The following CNTN5 variants were observed in gnomAD, a reference collection of about 807,000 sequenced individuals.
CNTN5 encodes contactin-5.
CNTN5 carries 77 observed loss-of-function variants against 129.1 expected under a neutral mutation model. The ratio of observed to expected loss-of-function variants is 0.60; its 90% CI spans 0.50 to 0.72. CNTN5 has a LOEUF of 0.72. Ranked by LOEUF, CNTN5 falls within the 30% of genes least tolerant of loss-of-function variation. The probability of loss-of-function intolerance (pLI) is 0.00; values close to 1 mark genes in which losing one functional copy is unlikely to be tolerated. For missense variants in CNTN5, 1,478 were observed against 1,328.8 expected (o/e 1.11, Z -1.75); for synonymous variants, 509 against 465.6 (o/e 1.09, Z -1.20).
intron 1 of CNTN5, among the ~76,000 whole-genome samples, chr11:99,132,872 A>G (rs1859015780): frequency 6.6e-6 from 1 of 152,166 alleles, no homozygotes; most frequent in Non-Finnish European, 1.5e-5. Flanking sequence ...TTAAACTACA[A>G]TTGACATTCT....
chr11:99,901,372 C>T (rs1265057701), intron 6 of CNTN5, among the ~76,000 whole-genome samples: 1 of 152,058 alleles, frequency 6.6e-6, no homozygotes, highest in Admixed American at 6.6e-5. Context: ...CTCACTGCCA[C>T]CTCTGCCTAC....
chr11:99,683,567 G>A (rs1477715625), intron 3 of CNTN5, among the ~76,000 whole-genome samples: 2 of 151,696 alleles, frequency 1.3e-5, no homozygotes, highest in East Asian at 1.9e-4. Flanking sequence ...TACTTGGTTG[G>A]CCACTTTCCA....
intron 4 of CNTN5, among the ~76,000 whole-genome samples, chr11:99,822,953 A>C (rs1253665741): frequency 2.0e-5 from 3 of 152,230 alleles, no homozygotes; most frequent in Non-Finnish European, 4.4e-5. Context: ...TCGTGCTGAG[A>C]GCTGTCCTAT....
chr11:100,089,599 T>A (rs539297674), intron 13 of CNTN5, among the ~76,000 whole-genome samples: 1 of 152,084 alleles, frequency 6.6e-6, no homozygotes, highest in Non-Finnish European at 1.5e-5. Context: ...TATAAAGATA[T>A]GTTCCTTGCA....
At chr11:100,211,384 G>A (rs1032664741) in intron 15 of CNTN5, among the ~76,000 whole-genome samples, 7 of 151,914 alleles carry the variant, frequency 4.6e-5, no homozygotes, top group African/African-American at 7.3e-5. Context: ...TTAAAATAAT[G>A]TATGAAGAAC....
chr11:100,103,132 T>C (rs1444074552), intron 13 of CNTN5, among the ~76,000 whole-genome samples: 1 of 152,196 alleles, frequency 6.6e-6, no homozygotes, highest in Non-Finnish European at 1.5e-5. Flanking sequence ...TGTACAATAT[T>C]TTCATCCACA....
chr11:99,901,421 G>A (rs1034502726), intron 6 of CNTN5, among the ~76,000 whole-genome samples: 5 of 152,028 alleles, frequency 3.3e-5, no homozygotes, highest in Non-Finnish European at 5.9e-5. Flanking sequence ...CTCTCAAGTA[G>A]CTAGGATTAC....
chr11:99,877,707 A>G (rs1376340083), intron 6 of CNTN5, among the ~76,000 whole-genome samples: 1 of 152,232 alleles, frequency 6.6e-6, no homozygotes, highest in Non-Finnish European at 1.5e-5. Context: ...GTAGTAATAT[A>G]CAATACTGTG....
At chr11:99,138,434 T>A (rs1436506545) in intron 1 of CNTN5, among the ~76,000 whole-genome samples, 2 of 152,184 alleles carry the variant, frequency 1.3e-5, no homozygotes, top group Non-Finnish European at 2.9e-5. Context: ...ATGGTATGTA[T>A]AAACCCAGGT....
chr11:99,413,286 T>C (rs546226031), intron 2 of CNTN5, among the ~76,000 whole-genome samples: 1 of 152,174 alleles, frequency 6.6e-6, no homozygotes, highest in Non-Finnish European at 1.5e-5. Context: ...TATCTTGATA[T>C]GTCAATGGGC....
At chr11:100,116,732 G>A (rs1400825820) in intron 13 of CNTN5, among the ~76,000 whole-genome samples, 1 of 151,228 alleles carries the variant, frequency 6.6e-6, no homozygotes, top group African/African-American at 2.4e-5. Flanking sequence ...TCTCATCTTT[G>A]AAAGGCAAGT....
intron 3 of CNTN5, among the ~76,000 whole-genome samples, chr11:99,684,008 CTG>C (rs1953676084): frequency 6.6e-6 from 1 of 151,682 alleles, no homozygotes; most frequent in South Asian, 2.1e-4. Flanking sequence ...AGTATATTAA[CTG>C]TAGTCATCAT....
At position 100,358,285 on chromosome 11, in the gene CNTN5, A is replaced by T. The variant is rs1260899892; in HGVS notation, c.*2065A>T. 6.6e-6 allele frequency: 1 copy of T among 151,902 alleles called. No individual in the cohort carries two copies. Among genetic ancestry groups the T allele is most frequent in the African/African-American group, 2.4e-5 (1 of 41,438 alleles). 9.4% of individuals were successfully genotyped at this position (151,902 alleles called of 1,614,324 possible). A position where few individuals can be genotyped will look rare whatever the true frequency, so the allele number is the denominator to read the frequency against. ...AGAAAGCAAAGCCCAGTAAAATATT[A>T]AACAAATAAAATGGCAAATTTAAAT... On this transcript the variant is annotated 3_prime_UTR_variant, in exon 25 of 25. Transcript: ENST00000524871.
intron 2 of CNTN5, among the ~76,000 whole-genome samples, chr11:99,418,081 G>A (rs961524695): frequency 2.6e-5 from 4 of 151,974 alleles, no homozygotes; most frequent in Non-Finnish European, 5.9e-5. Flanking sequence ...TTTTATTTCT[G>A]CTGGTTACAA....
rs1046030671 is a variant in CNTN5, at chr11:99,263,906, A to C, written c.-209-61440A>C. Among the ~76,000 whole-genome samples, 4 of 152,120 alleles carry C rather than the reference A, an allele frequency of 2.6e-5. 1 individual carries two copies. Among genetic ancestry groups the C allele is most frequent in the Non-Finnish European group, 5.9e-5 (4 of 68,012 alleles). ...AAATACTACTCTAGTTGTTACCCGA[A>C]GCAAAATCCTGTGCATATTTGAGGT... On this transcript the variant is annotated intron_variant, in intron 1 of 24. Transcript: ENST00000524871.
intron 4 of CNTN5, among the ~76,000 whole-genome samples, chr11:99,821,071 ACTTT>A (rs1215911308): frequency 1.3e-5 from 2 of 152,188 alleles, no homozygotes; most frequent in African/African-American, 2.4e-5. Flanking sequence ...TAAGTTTTTA[ACTTT>A]CTATTACCTT....
At chr11:99,645,037 C>CA (rs1398158984) in intron 3 of CNTN5, among the ~76,000 whole-genome samples, 1 of 150,056 alleles carries the variant, frequency 6.7e-6, no homozygotes, top group Non-Finnish European at 1.5e-5. Context: ...GAGGCTGAGG[C>CA]AGGTGAATCA....
chr11:100,103,645 C>T (rs1307868221), intron 13 of CNTN5, among the ~76,000 whole-genome samples: 1 of 152,134 alleles, frequency 6.6e-6, no homozygotes, highest in African/African-American at 2.4e-5. Context: ...AAGGAGTAGC[C>T]TTAATCCTGC....
intron 1 of CNTN5, among the ~76,000 whole-genome samples, chr11:99,028,685 C>T (rs934967377): frequency 2.0e-5 from 3 of 149,204 alleles, no homozygotes; most frequent in African/African-American, 7.4e-5. Flanking sequence ...CATCTAATCT[C>T]TCATGGTATA....
Sources: gnomAD v4.1 joint callset for allele counts (sites outside exome capture counted in the v4.1 genomes callset) on GRCh38, gnomAD v4.1.1 for gene constraint, MANE v1.5 for transcripts, NCBI Gene and HGNC (gene_info 2026-07-23, HGNC 2026-07-21) for gene names.